Variants in TNS3 observed in about 807,000 individuals in gnomAD.
TNS3 encodes tensin-3.
In TNS3, 45 loss-of-function variants were observed where a neutral mutation model predicts 140.9. The observed-to-expected ratio is 0.32, with a 90% CI of 0.25 to 0.41. The LOEUF (loss-of-function observed/expected upper bound fraction) is 0.41. Ranked by LOEUF, TNS3 falls within the 10% of genes least tolerant of loss-of-function variation. The pLI, the probability that TNS3 is intolerant of heterozygous loss-of-function variation, is 1.00. For synonymous variants in TNS3, 815 were observed against 788.4 expected (o/e 1.03, Z -0.56); for missense variants, 1,716 against 1,906.7 (o/e 0.90, Z 1.86).
intron 23 of TNS3, among the ~76,000 whole-genome samples, chr7:47,298,669 G>T (rs1416640252): frequency 1.3e-5 from 2 of 152,234 alleles, no homozygotes; most frequent in Non-Finnish European, 2.9e-5. Flanking sequence ...GTAAGTGCTG[G>T]GATGCCCCCG....
chr7:47,479,427 A>T (rs1447566301), intron 4 of TNS3, among the ~76,000 whole-genome samples: 1 of 152,154 alleles, frequency 6.6e-6, no homozygotes, highest in East Asian at 1.9e-4. Flanking sequence ...CACAAACCGC[A>T]GCCTGTCAAA....
At chr7:47,415,966 C>T (rs184228078) in intron 10 of TNS3, among the ~76,000 whole-genome samples, 52 of 152,340 alleles carry the variant, frequency 3.4e-4, no homozygotes, top group Non-Finnish European at 3.1e-4. Flanking sequence ...CAGGATGAGC[C>T]GGAGGCTTAC....
At chr7:47,552,074 C>A (rs922804780) in intron 1 of TNS3, among the ~76,000 whole-genome samples, 20 of 149,802 alleles carry the variant, frequency 1.3e-4, no homozygotes, top group Non-Finnish European at 2.9e-4. Flanking sequence ...TAAACCTCCC[C>A]ACGCCCATCA....
At chr7:47,478,446 A>C (rs914044638) in intron 4 of TNS3, among the ~76,000 whole-genome samples, 6 of 151,794 alleles carry the variant, frequency 4.0e-5, no homozygotes, top group Non-Finnish European at 5.9e-5. Flanking sequence ...ATTCACATAC[A>C]CATAAACTGA....
At chr7:47,488,664 C>G (rs1481061547) in intron 3 of TNS3, among the ~76,000 whole-genome samples, 1 of 152,228 alleles carries the variant, frequency 6.6e-6, no homozygotes, top group Non-Finnish European at 1.5e-5. Context: ...GGGATTTGGA[C>G]TTCAACATTT....
chr7:47,450,832 A>G (rs1795980526), intron 4 of TNS3, among the ~76,000 whole-genome samples: 1 of 152,148 alleles, frequency 6.6e-6, no homozygotes, highest in South Asian at 2.1e-4. Context: ...GCTTTTGGTG[A>G]AGAGGAAAGA....
intron 1 of TNS3, among the ~76,000 whole-genome samples, chr7:47,567,030 C>CAAAAAA (rs541987899): frequency 1.1e-4 from 11 of 98,712 alleles, no homozygotes; most frequent in Non-Finnish European, 1.4e-4. Context: ...GACTCCATCT[C>CAAAAAA]AAAAAAAAAA....
At chr7:47,399,316 G>GA (rs922922326) in intron 15 of TNS3, among the ~76,000 whole-genome samples, 184 of 148,682 alleles carry the variant, frequency 1.2e-3, no homozygotes, top group African/African-American at 3.7e-3. Context: ...CACGAAATTG[G>GA]AAAAAAAAAA....
intron 20 of TNS3, among the ~76,000 whole-genome samples, chr7:47,310,029 T>C (rs1786997125): frequency 6.6e-6 from 1 of 152,192 alleles, no homozygotes; most frequent in Admixed American, 6.5e-5. Flanking sequence ...TGGAAGCATG[T>C]GGTATAGGGG....
intron 20 of TNS3, among the ~76,000 whole-genome samples, chr7:47,338,071 T>C (rs1788734083): frequency 6.9e-6 from 1 of 145,648 alleles, no homozygotes; most frequent in South Asian, 2.3e-4. Flanking sequence ...TGAGAAGTGT[T>C]CCATGGTATT....
intron 1 of TNS3, among the ~76,000 whole-genome samples, chr7:47,536,534 G>A (rs925296754): frequency 6.6e-6 from 1 of 152,196 alleles, no homozygotes; most frequent in African/African-American, 2.4e-5. Flanking sequence ...CTTTACCTTT[G>A]CAAGAAACAC....
chr7:47,532,036 C>A (rs970088453), intron 1 of TNS3, among the ~76,000 whole-genome samples: 1 of 149,782 alleles, frequency 6.7e-6, no homozygotes, highest in Non-Finnish European at 1.5e-5. Flanking sequence ...GGCATCTCTG[C>A]GGCCTGCACC....
At chr7:47,499,987 G>A (rs1246048262) in intron 3 of TNS3, among the ~76,000 whole-genome samples, 16 of 152,138 alleles carry the variant, frequency 1.1e-4, no homozygotes, top group South Asian at 4.2e-4. Flanking sequence ...GTGAGCCCTC[G>A]GTTCTTTCCC....
At chr7:47,393,447 G>A (rs1792645375) in intron 16 of TNS3, among the ~76,000 whole-genome samples, 1 of 152,128 alleles carries the variant, frequency 6.6e-6, no homozygotes, top group African/African-American at 2.4e-5. Context: ...CTCAGGCAGT[G>A]GTTCAAGGGA....
intron 3 of TNS3, among the ~76,000 whole-genome samples, chr7:47,499,248 C>T (rs2151855633): frequency 6.6e-6 from 1 of 152,276 alleles, no homozygotes; most frequent in Non-Finnish European, 1.5e-5. Flanking sequence ...GAAAAAGAGA[C>T]ACAGGTATAA....
intron 1 of TNS3, among the ~76,000 whole-genome samples, chr7:47,546,237 A>C (rs1799917894): frequency 6.6e-6 from 1 of 152,192 alleles, no homozygotes. Flanking sequence ...AAAGCTTCTA[A>C]TGAGGCGCTG....
chr7:47,506,039 TA>T (rs775403860), intron 3 of TNS3, among the ~76,000 whole-genome samples: 2 of 152,142 alleles, frequency 1.3e-5, no homozygotes, highest in Non-Finnish European at 2.9e-5. Flanking sequence ...ATGAGGTCTG[TA>T]ACAGTAGCAA....
intron 1 of TNS3, among the ~76,000 whole-genome samples, chr7:47,564,065 G>T (rs1283397977): frequency 6.6e-6 from 1 of 151,820 alleles, no homozygotes; most frequent in East Asian, 1.9e-4. Context: ...ATGGTGGCAG[G>T]CTCCTATAGT....
chr7:47,444,611 C>T (rs1795633348), intron 4 of TNS3, among the ~76,000 whole-genome samples: 1 of 152,146 alleles, frequency 6.6e-6, no homozygotes, highest in Non-Finnish European at 1.5e-5. Context: ...GAGGACTCTG[C>T]TGTCCCTGAC....
Sources: gnomAD v4.1 joint callset for allele counts (sites outside exome capture counted in the v4.1 genomes callset) on GRCh38, gnomAD v4.1.1 for gene constraint, MANE v1.5 for transcripts, NCBI Gene and HGNC (gene_info 2026-07-23, HGNC 2026-07-21) for gene names.